The following SLC35F1 variants were observed in gnomAD, a reference collection of about 807,000 sequenced individuals.
SLC35F1 encodes chromosome 6 open reading frame 169.
Under a neutral mutation model 48.7 loss-of-function variants are expected in SLC35F1, and 14 were observed. The observed-to-expected ratio is 0.29, with a 90% CI of 0.19 to 0.45. The LOEUF (loss-of-function observed/expected upper bound fraction) is 0.45. SLC35F1 is among the 20% of genes least tolerant of loss of function. The pLI, the probability that SLC35F1 is intolerant of heterozygous loss-of-function variation, is 1.00. For missense variants in SLC35F1, 404 were observed against 500.0 expected, an observed-to-expected ratio of 0.81 and a Z score of 1.83; for synonymous variants, 190 against 202.2, an observed-to-expected ratio of 0.94 and a Z score of 0.51.
At chr6:118,233,189 T>TCTCTTGACC (rs1312061066) in intron 2 of SLC35F1, among the ~76,000 whole-genome samples, 1 of 152,168 alleles carries the variant, frequency 6.6e-6, no homozygotes, top group Non-Finnish European at 1.5e-5. Context: ...ATGATCTCGA[T>TCTCTTGACC]CTCTTGACCT....
chr6:117,922,297 T>G (rs1775909910), intron 1 of SLC35F1, among the ~76,000 whole-genome samples: 1 of 152,184 alleles, frequency 6.6e-6, no homozygotes, highest in South Asian at 2.1e-4. Context: ...ATTTTCTTAT[T>G]CTCATTCATA....
rs751528596 is a variant in SLC35F1 at position 118,175,783 on chromosome 6, G to C, written c.349+21163G>C. ...TAGAAGATGAGAGTCATACCTGAAG[G>C]TCAGAAGAGGAGGCTTAGTTTGACC... On this transcript the variant is annotated intron_variant, in intron 2 of 7. Transcript: ENST00000360388. Among the ~76,000 whole-genome samples, 6 of 152,240 alleles carry C rather than the reference G, an allele frequency of 3.9e-5. No homozygotes were observed. In the South Asian group the frequency reaches 1.2e-3, roughly 32 times the overall value.
chr6:118,278,226 G>A (rs1300902123), intron 6 of SLC35F1, among the ~76,000 whole-genome samples: 10 of 152,168 alleles, frequency 6.6e-5, no homozygotes, highest in Non-Finnish European at 1.3e-4. Context: ...ACTGACATTT[G>A]CTACCCTCAG....
At chr6:117,991,424 T>C (rs1427776001) in intron 1 of SLC35F1, among the ~76,000 whole-genome samples, 1 of 152,206 alleles carries the variant, frequency 6.6e-6, no homozygotes, top group African/African-American at 2.4e-5. Flanking sequence ...GGCTTTCTTA[T>C]ATAGATGAAA....
chr6:118,089,157 C>T (rs529738077), intron 1 of SLC35F1, among the ~76,000 whole-genome samples: 2 of 152,206 alleles, frequency 1.3e-5, no homozygotes, highest in South Asian at 4.2e-4. Context: ...AGAGAGGACC[C>T]TAGAACTCTG....
chr6:117,928,606 A>T (rs1006135566), intron 1 of SLC35F1, among the ~76,000 whole-genome samples: 9 of 152,316 alleles, frequency 5.9e-5, no homozygotes, highest in South Asian at 2.1e-4. Context: ...CATTAATTAG[A>T]TGTATGCCAG....
rs962105320 is a variant in SLC35F1, at chr6:117,981,561, T to C, written c.173+73662T>C. ...ATTTAAATAACTTAGTGGGATTACA[T>C]TATTGAAATGCCTCTGTATGGTTCT... On this transcript the variant is annotated intron_variant, in intron 1 of 7. Transcript: ENST00000360388. Among the ~76,000 whole-genome samples the C allele has an allele frequency of 2.6e-5, 4 of 152,224 alleles. No individual in the cohort carries two copies. The East Asian group carries it at 7.7e-4, about 29-fold the overall frequency.
chr6:118,234,415 G>T (rs1775335257), intron 2 of SLC35F1, among the ~76,000 whole-genome samples: 1 of 152,056 alleles, frequency 6.6e-6, no homozygotes. Context: ...ATGTTTTGAG[G>T]CAGTACTGTA....
At chr6:118,254,396 C>T (rs1460207554) in intron 3 of SLC35F1, among the ~76,000 whole-genome samples, 1 of 152,186 alleles carries the variant, frequency 6.6e-6, no homozygotes, top group African/African-American at 2.4e-5. Flanking sequence ...ATCCTACCAC[C>T]TCAGCCTCCC....
chr6:118,015,550 G>T (rs1029176622), intron 1 of SLC35F1, among the ~76,000 whole-genome samples: 3 of 151,466 alleles, frequency 2.0e-5, no homozygotes, highest in Admixed American at 2.0e-4. Flanking sequence ...TTGGGTTTCT[G>T]TTCCTGCATT....
Position 118,018,475 on chromosome 6 carries a change from A to G in SLC35F1, c.173+110576A>G, listed in dbSNP as rs1777351896. On this transcript the variant is annotated intron_variant, in intron 1 of 7. Transcript: ENST00000360388. ...TTTATGTACATATATATTCCTTTAT[A>G]TATATCGAAAGCATTTTGTAGATTG... Among the ~76,000 whole-genome samples the G allele has an allele frequency of 2.6e-5, 4 of 152,168 alleles. No individual in the cohort carries two copies. The South Asian group carries it at 8.3e-4, about 31-fold the overall frequency.
At chr6:118,074,924 G>A (rs892285840) in intron 1 of SLC35F1, among the ~76,000 whole-genome samples, 19 of 152,296 alleles carry the variant, frequency 1.2e-4, no homozygotes, top group African/African-American at 2.9e-4. Flanking sequence ...GATTACAGGC[G>A]TGAGCCACTG....
intron 2 of SLC35F1, among the ~76,000 whole-genome samples, chr6:118,158,523 A>C (rs1283840520): frequency 1.3e-5 from 2 of 152,218 alleles, no homozygotes. Context: ...TCAGAAATAC[A>C]TTTTTAAACA....
intron 1 of SLC35F1, among the ~76,000 whole-genome samples, chr6:117,930,343 G>A (rs1442057904): frequency 6.6e-6 from 1 of 152,126 alleles, no homozygotes; most frequent in Admixed American, 6.5e-5. Context: ...ATTCTGCAGA[G>A]GAAGGCAGGA....
intron 2 of SLC35F1, among the ~76,000 whole-genome samples, chr6:118,203,166 A>C (rs936774899): frequency 6.6e-6 from 1 of 152,216 alleles, no homozygotes; most frequent in Non-Finnish European, 1.5e-5. Flanking sequence ...ATTCACTCCT[A>C]AGCTAGGCCA....
rs568272290 is a variant in SLC35F1, at chr6:118,291,314, G to GTA, written c.1002+5986_1002+5987dup. ...ATAATAACTTTGGGAAAAGCTGTGT[G>GTA]TATATATATATCTTTGGGAAGATAC... is the stretch of plus-strand genomic sequence containing the variant. On this transcript the variant is annotated intron_variant, in intron 7 of 7. Coordinates refer to ENST00000360388, the MANE Select transcript of SLC35F1 (RefSeq NM_001029858.4). Among the ~76,000 whole-genome samples, 107 of 150,440 alleles carry GTA rather than the reference G, an allele frequency of 7.1e-4. 1 individual carries two copies. The highest frequency in any genetic ancestry group is 2.5e-3 in the African/African-American group (100 of 40,776).
At chr6:118,094,573 G>A (rs1454842052) in intron 1 of SLC35F1, among the ~76,000 whole-genome samples, 1 of 152,136 alleles carries the variant, frequency 6.6e-6, no homozygotes, top group African/African-American at 2.4e-5. Context: ...TCCACTTACA[G>A]AGAATGCAGA....
intron 3 of SLC35F1, among the ~76,000 whole-genome samples, chr6:118,241,775 A>G (rs78803439): frequency 0.02 from 3,031 of 152,260 alleles, 106 homozygotes; most frequent in African/African-American, 0.069. Context: ...TTCTTCATCT[A>G]TACAATTCTT....
chr6:118,007,310 C>T (rs957509231), intron 1 of SLC35F1, among the ~76,000 whole-genome samples: 1 of 152,116 alleles, frequency 6.6e-6, no homozygotes, highest in Non-Finnish European at 1.5e-5. Context: ...CTTAAAGACC[C>T]CCACCTTTCA....
Sources: allele counts gnomAD v4.1 joint callset (sites outside exome capture counted in the v4.1 genomes callset), GRCh38; gene constraint gnomAD v4.1.1; transcripts MANE v1.5; gene names NCBI Gene and HGNC (gene_info 2026-07-23, HGNC 2026-07-21).